Variants in ARHGEF1 observed in about 807,000 individuals in gnomAD.
ARHGEF1 encodes the protein 115 kDa guanine nucleotide exchange factor.
In ARHGEF1, 40 loss-of-function variants were observed where a neutral mutation model predicts 119.7. The ratio of observed to expected loss-of-function variants is 0.33; its 90% CI spans 0.26 to 0.44. The LOEUF is 0.44. Among genes scored for constraint, ARHGEF1 ranks in the 20% least tolerant of loss-of-function variants. The probability of loss-of-function intolerance (pLI) is 1.00; values close to 1 mark genes in which losing one functional copy is unlikely to be tolerated. For synonymous variants in ARHGEF1, 494 were observed against 521.0 expected, an observed-to-expected ratio of 0.95 and a Z score of 0.71; for missense variants, 976 against 1,268.3, an observed-to-expected ratio of 0.77 and a Z score of 3.50.
chr19:41,924,849 G>GT (rs2074862381), intron 1 of ARHGEF1, among the ~76,000 whole-genome samples: 1 of 152,168 alleles, frequency 6.6e-6, no homozygotes, highest in Non-Finnish European at 1.5e-5. Context: ...GAGAGAAGCA[G>GT]GTTGGAGACA....
rs2074810872 is a variant in ARHGEF1, at chr19:41,917,773, C to A, written c.1866-5319C>A. 6.6e-6 allele frequency among the ~76,000 whole-genome samples: 1 copy of A among 151,910 alleles called. No homozygotes were observed. Among genetic ancestry groups the A allele is most frequent in the Non-Finnish European group, 1.5e-5 (1 of 67,968 alleles). ...ACACATCTGTGCACACAGTAGAGAC[C>A]CACAGTGACACCCACTAGTAGGCAC... On this transcript the variant is annotated intron_variant, in intron 18 of 20. Coordinates refer to the ARHGEF1 transcript ENST00000599589. This position sits in a 1 kb window ranked among gnomAD's most constrained non-coding sequence, Gnocchi z 4.8.
chr19:41,905,348 T>G lies in ARHGEF1; in HGVS notation c.2336+87T>G. 8.3e-7 allele frequency: 1 copy of G among 1,208,232 alleles called. No homozygotes were observed. Among genetic ancestry groups the G allele is most frequent in the Admixed American group, 2.2e-5 (1 of 45,220 alleles). The allele number at this position is 1,208,232 out of a possible 1,614,324, so 74.8% of individuals were successfully genotyped here. On this transcript the variant is annotated intron_variant, in intron 24 of 28. Transcript: ENST00000354532. The surrounding 1 kb of genome is among the most constrained non-coding windows in gnomAD (Gnocchi z 6.4). ...TTCCCTCCACAACTCCAGAACCGTCTCTGTGTGAGCATGCACATGTGTGAA... is the reference window on the plus strand; with the variant it reads ...TTCCCTCCACAACTCCAGAACCGTCGCTGTGTGAGCATGCACATGTGTGAA...
Position 41,905,640 on chromosome 19 carries a change from C to A in ARHGEF1, c.2337-120C>A. On this transcript the variant is annotated intron_variant, in intron 24 of 28. Coordinates refer to ENST00000354532, the MANE Select transcript of ARHGEF1 (RefSeq NM_004706.4). The surrounding 1 kb of genome is among the most constrained non-coding windows in gnomAD (Gnocchi z 6.4). ...CCTCTCTGTCTCCCTGTCTCCCGGCCTCGACCTCTGTCTCTGTCTCCGGAC... is the reference window on the plus strand; with the variant it reads ...CCTCTCTGTCTCCCTGTCTCCCGGCATCGACCTCTGTCTCTGTCTCCGGAC... The A allele has an allele frequency of 1.9e-6, 2 of 1,034,310 alleles. No homozygotes were observed. Among genetic ancestry groups the A allele is most frequent in the African/African-American group, 1.6e-5 (1 of 62,956 alleles). The allele number at this position is 1,034,310 out of a possible 1,614,324, so 64.1% of individuals were successfully genotyped here. A position where few individuals can be genotyped will look rare whatever the true frequency, so the allele number is the denominator to read the frequency against.
In ARHGEF1 at chr19:41,904,932, T is replaced by A. The variant is rs1568824808; in HGVS notation, c.2162-17T>A. The A allele has an allele frequency of 6.2e-7, 1 of 1,607,682 alleles. No homozygotes were observed. The highest frequency in any genetic ancestry group is 2.2e-5 in the East Asian group (1 of 44,838). ...GGGGACCTGGGCTCTGAGCCCCATC[T>A]CCCCCTCTCCCTGCAGATCACAAAG... On this transcript the variant is annotated splice_polypyrimidine_tract_variant and intron_variant, in intron 22 of 28. Coordinates refer to ENST00000354532, the MANE Select transcript of ARHGEF1 (RefSeq NM_004706.4). This position sits in a 1 kb window ranked among gnomAD's most constrained non-coding sequence, Gnocchi z 8.4.
At chr19:41,894,166 G>T in intron 8 of ARHGEF1, 41 bp from the exon 9 acceptor site, 1 of 1,230,868 alleles carries the variant, frequency 8.1e-7, no homozygotes, top group Non-Finnish European at 1.1e-6. Context: ...GTGTGTGTGT[G>T]TCTTTGTGTG....
chr19:41,902,622 G>T lies in ARHGEF1; in HGVS notation c.1587G>T (p.Lys529Asn). The T allele has an allele frequency of 6.2e-7, 1 of 1,614,226 alleles. No homozygotes were observed. Among genetic ancestry groups the T allele is most frequent in the Non-Finnish European group, 8.5e-7 (1 of 1,180,030 alleles). Residue 529 changes from lysine to asparagine, a missense_variant, in exon 17 of 29, where the codon AAG (lysine) becomes AAT (asparagine). Lys to Asn is a moderately conservative substitution (Grantham distance 94). Around this residue, in one of 3 missense-constraint regions of ARHGEF1, gnomAD observed 286 missense variants for 506.8 expected, o/e 0.56. Coordinates refer to ENST00000354532, the MANE Select transcript of ARHGEF1 (RefSeq NM_004706.4). The surrounding 1 kb of genome is among the most constrained non-coding windows in gnomAD (Gnocchi z 6.5). Reference protein sequence around the residue: ...QSFALEQLKAKQRKDPRFCAF... With the variant: ...QSFALEQLKANQRKDPRFCAF... ...TTGCCTTAGAGCAGCTCAAAGCCAA[G>T]CAACGCAAGGACCCTCGGTTCTGTG...
chr19:41,895,184 C>T (rs2074461712), intron 11 of ARHGEF1, among the ~76,000 whole-genome samples, 165 bp from the exon 12 acceptor site: 2 of 150,614 alleles, frequency 1.3e-5, no homozygotes, highest in African/African-American at 4.9e-5. Flanking sequence ...GCCTGGACTC[C>T]TGTGTCTGAG....
In ARHGEF1 at chr19:41,898,216, C is replaced by T. The variant is rs138023679; in HGVS notation, c.1122-226C>T. 8.6e-3 allele frequency: 11,799 copies of T among 1,371,222 alleles called. 60 individuals carry two copies. The highest frequency in any genetic ancestry group is 0.01 in the Non-Finnish European group (10,683 of 1,044,810). 84.9% of individuals were successfully genotyped at this position (1,371,222 alleles called of 1,614,324 possible). A position where few individuals can be genotyped will look rare whatever the true frequency, so the allele number is the denominator to read the frequency against. ...AGGAATGGGCGTTGGAGACCGAGGT[C>T]ATTGAGGCCAACTGTGGTCACAGAC... On this transcript the variant is annotated intron_variant, in intron 13 of 28. Transcript: ENST00000354532.
At chr19:41,925,548 T>C (rs2074866561) in intron 1 of ARHGEF1, among the ~76,000 whole-genome samples, 1 of 152,002 alleles carries the variant, frequency 6.6e-6, no homozygotes, top group Admixed American at 6.5e-5. Context: ...CGGGAAACTC[T>C]GAGGGGACAA....
rs1379978975 is a variant in ARHGEF1 at position 41,917,446 on chromosome 19, C to T, written c.1866-5646C>T. ...GGAGCCGCCTCGGGCCTCGCACCCC[C>T]ACCACCAGCCCCTTCATCCCTCACC... is the stretch of plus-strand genomic sequence containing the variant. On this transcript the variant is annotated intron_variant, in intron 18 of 20. Coordinates refer to the ARHGEF1 transcript ENST00000599589. The surrounding 1 kb of genome is among the most constrained non-coding windows in gnomAD (Gnocchi z 4.8). Among the ~76,000 whole-genome samples the T allele has an allele frequency of 6.6e-6, 1 of 151,942 alleles. No homozygotes were observed. The highest frequency in any genetic ancestry group is 1.5e-5 in the Non-Finnish European group (1 of 67,894).
rs782355120 is a variant in ARHGEF1, at chr19:41,906,758, A to T, written c.2711A>T (p.Asn904Ile). The T allele has an allele frequency of 1.2e-5, 20 of 1,610,400 alleles. No individual in the cohort carries two copies. The highest frequency in any genetic ancestry group is 9.0e-5 in the East Asian group (4 of 44,606). ...CCCCTCCTGTCTCAGCTTGGGGGGA[A>T]CTCTGTCCCCCAGCCTGGCTGCACT... ...LRPLLSQLGG[N>I]SVPQPGCT is the part of the protein sequence containing the mutation. The change falls in exon 28 of 29, where the codon AAC becomes ATC. Residue 904 changes from asparagine (N) to isoleucine (I), a missense_variant. This residue lies in a region of ARHGEF1 where 171 missense variants were observed against 180.6 expected (regional missense o/e 0.95). Coordinates refer to ENST00000354532, the MANE Select transcript of ARHGEF1 (RefSeq NM_004706.4). The surrounding 1 kb of genome is among the most constrained non-coding windows in gnomAD (Gnocchi z 4.5).
At chr19:41,901,775 CT>C in intron 14 of ARHGEF1, 111 bp from the exon 15 acceptor site, 1 of 1,360,274 alleles carries the variant, frequency 7.4e-7, no homozygotes, top group South Asian at 1.4e-5. Flanking sequence ...TTCCCACCAA[CT>C]TCTAGGAAGC....
At chr19:41,884,623 A>G in intron 1 of ARHGEF1, 1 of 1,304,408 alleles carries the variant, frequency 7.7e-7, no homozygotes. Flanking sequence ...CGTCCATGTA[A>G]GATTTGGGTC....
Position 41,903,728 on chromosome 19 carries a change from C to T in ARHGEF1, c.1861C>T (p.Arg621Cys), listed in dbSNP as rs782497331. Reference sequence around the variant, plus strand: ...CCAGAGGCTCAAGGACTATCAGCGGCGCCTGGACTTGTCCCACCTTCGGCA... The same window carrying T: ...CCAGAGGCTCAAGGACTATCAGCGGTGCCTGGACTTGTCCCACCTTCGGCA... ...DLLRLKDYQR[R>C]LDLSHLRQSS... The change falls in exon 20 of 29, where the codon CGC (arginine) becomes TGC (cysteine). Residue 621 changes from arginine (R) to cysteine (C), a missense_variant. Arg to Cys is a radical substitution (Grantham distance 180, BLOSUM62 -3). Around this residue, in one of 3 missense-constraint regions of ARHGEF1, gnomAD observed 286 missense variants for 506.8 expected, o/e 0.56. Coordinates refer to ENST00000354532, the MANE Select transcript of ARHGEF1 (RefSeq NM_004706.4). This position sits in a 1 kb window ranked among gnomAD's most constrained non-coding sequence, Gnocchi z 4.2. 3.7e-6 allele frequency: 6 copies of T among 1,613,048 alleles called. No homozygotes were observed. The highest frequency in any genetic ancestry group is 5.1e-6 in the Non-Finnish European group (6 of 1,179,996).
chr19:41,884,603 AG>A (rs1330056462), intron 1 of ARHGEF1: 1 of 1,409,870 alleles, frequency 7.1e-7, no homozygotes, highest in Non-Finnish European at 9.7e-7. Context: ...GGCCCGCGTA[AG>A]ACCCGCCACG....
In ARHGEF1 at chr19:41,916,026, G is replaced by GC. The variant is rs1310770396; in HGVS notation, c.1866-7060dup. On this transcript the variant is annotated intron_variant, in intron 18 of 20. Coordinates refer to the ARHGEF1 transcript ENST00000599589. This position sits in a 1 kb window ranked among gnomAD's most constrained non-coding sequence, Gnocchi z 5.4. The stretch of plus-strand genomic sequence containing the variant: ...ATTTTGCTTCCTCCACCCCCCCTTC[G>GC]CCCCCCATCTCTACCGCCCGCAGCC... Among the ~76,000 whole-genome samples, 3 of 125,826 alleles carry GC rather than the reference G, an allele frequency of 2.4e-5. No individual in the cohort carries two copies. The highest frequency in any genetic ancestry group is 5.0e-5 in the Non-Finnish European group (3 of 59,664). The allele number at this position is 125,826 out of a possible 152,430, so 82.5% of individuals were successfully genotyped here.
intron 13 of ARHGEF1, 52 bp downstream of exon 13, chr19:41,896,534 G>T: frequency 2.8e-6 from 4 of 1,431,474 alleles, no homozygotes; most frequent in Non-Finnish European, 3.8e-6. Context: ...GGGCGCTGGT[G>T]GGTGGGTGCA....
At chr19:41,901,084 C>G (rs370697966) in intron 14 of ARHGEF1, among the ~76,000 whole-genome samples, 1 of 151,814 alleles carries the variant, frequency 6.6e-6, no homozygotes, top group South Asian at 2.1e-4. Context: ...CCACTGCACC[C>G]GGCCCCTCAG....
At chr19:41,908,573 G>A, downstream of ARHGEF1, 1 of 1,231,808 alleles carries the variant, frequency 8.1e-7, no homozygotes, top group South Asian at 4.1e-5. The surrounding 1 kb of genome is among the most constrained non-coding windows in gnomAD (Gnocchi z 6.7). Context: ...GAGGCAGCTT[G>A]GGGAAGGGGC....
Sources: allele counts gnomAD v4.1 joint callset (sites outside exome capture counted in the v4.1 genomes callset), GRCh38; gene constraint gnomAD v4.1.1; regional missense constraint gnomAD v4.1.1; non-coding constraint Gnocchi (gnomAD v3.1); transcripts MANE v1.5; gene names NCBI Gene and HGNC (gene_info 2026-07-23, HGNC 2026-07-21).